TBC1D19: variants seen among roughly 807,000 people sequenced by gnomAD.
The protein encoded by TBC1D19 is TBC1 domain family, member 19.
A neutral mutation model predicts 89.0 loss-of-function variants in TBC1D19; 60 were observed. That is an observed-to-expected ratio of 0.67 (90% CI 0.55 to 0.84). The LOEUF (loss-of-function observed/expected upper bound fraction) is 0.84, where lower values mean the gene tolerates loss of function less well. TBC1D19 is among the 40% of genes least tolerant of loss of function. TBC1D19 has a pLI of 0.00. For synonymous variants in TBC1D19, 189 were observed against 199.7 expected, an observed-to-expected ratio of 0.95 and a Z score of 0.45; for missense variants, 500 against 610.8, an observed-to-expected ratio of 0.82 and a Z score of 1.91.
intron 13 of TBC1D19, among the ~76,000 whole-genome samples, chr4:26,699,339 T>C (rs962504350): frequency 4.6e-5 from 7 of 152,090 alleles, no homozygotes; most frequent in African/African-American, 9.7e-5. Flanking sequence ...GTTAGAATGA[T>C]GATCATTAAA....
intron 1 of TBC1D19, among the ~76,000 whole-genome samples, chr4:26,600,540 A>G (rs1371103072): frequency 6.6e-6 from 1 of 152,210 alleles, no homozygotes; most frequent in Non-Finnish European, 1.5e-5. Flanking sequence ...AGGTAAGACC[A>G]AGTTGAAATA....
intron 3 of TBC1D19, among the ~76,000 whole-genome samples, chr4:26,616,919 C>T (rs747609695): frequency 2.6e-5 from 4 of 151,918 alleles, no homozygotes; most frequent in Non-Finnish European, 5.9e-5. Flanking sequence ...TATTTTATGC[C>T]AACACTTTAT....
intron 4 of TBC1D19, 27 bp from the exon 5 acceptor site, chr4:26,637,184 G>T: frequency 6.7e-7 from 1 of 1,501,134 alleles, no homozygotes. Flanking sequence ...TACTGGAAAA[G>T]ATAATTGATT....
chr4:26,663,807 GT>G (rs1711553967), intron 8 of TBC1D19, among the ~76,000 whole-genome samples: 1 of 152,168 alleles, frequency 6.6e-6, no homozygotes, highest in East Asian at 1.9e-4. Flanking sequence ...GTCTGTGCGA[GT>G]ATTGAACTTG....
chr4:26,613,654 T>C (rs1741509500), intron 2 of TBC1D19, among the ~76,000 whole-genome samples: 1 of 152,184 alleles, frequency 6.6e-6, no homozygotes, highest in Admixed American at 6.6e-5. Flanking sequence ...TCAAGAACTC[T>C]GTGAGAAAGA....
intron 1 of TBC1D19, among the ~76,000 whole-genome samples, chr4:26,590,391 G>A (rs1739692132): frequency 6.6e-6 from 1 of 152,078 alleles, no homozygotes; most frequent in Non-Finnish European, 1.5e-5. Context: ...GAGAATGATT[G>A]GTATGTAATT....
chr4:26,821,808 C>T, the TBC1D19 span, among the ~76,000 whole-genome samples: 8 of 152,336 alleles, frequency 5.3e-5, no homozygotes, highest in Non-Finnish European at 7.3e-5. Flanking sequence ...AGCAGGTACC[C>T]GTTCTTTATG....
At chr4:26,746,109 A>G (rs1718632346) in intron 18 of TBC1D19, among the ~76,000 whole-genome samples, 1 of 152,110 alleles carries the variant, frequency 6.6e-6, no homozygotes. Flanking sequence ...TTTCTGCACC[A>G]TACTCATTCT....
At chr4:26,661,180 T>C (rs1028504438) in intron 8 of TBC1D19, among the ~76,000 whole-genome samples, 10 of 152,008 alleles carry the variant, frequency 6.6e-5, no homozygotes, top group Non-Finnish European at 1.2e-4. Flanking sequence ...TCACTAGAGA[T>C]CCAGATGCAG....
At chr4:26,677,323 C>CTTT (rs35553916) in intron 11 of TBC1D19, among the ~76,000 whole-genome samples, 1 of 144,710 alleles carries the variant, frequency 6.9e-6, no homozygotes, top group Non-Finnish European at 1.5e-5. Context: ...CCTATAAATC[C>CTTT]TTTTTTTTTT....
chr4:26,586,771 G>T (rs1207934403), intron 1 of TBC1D19, among the ~76,000 whole-genome samples: 6 of 152,014 alleles, frequency 3.9e-5, no homozygotes, highest in Admixed American at 3.9e-4. Flanking sequence ...TTAACATACA[G>T]AAATGCAATT....
At chr4:26,853,347 C>A in the TBC1D19 span, among the ~76,000 whole-genome samples, 1 of 152,218 alleles carries the variant, frequency 6.6e-6, no homozygotes, top group South Asian at 2.1e-4. Flanking sequence ...TCCAGCTCCC[C>A]ACCCACTTAG....
upstream of TBC1D19, among the ~76,000 whole-genome samples, chr4:26,583,705 G>A (rs368207728): frequency 1.3e-5 from 2 of 152,176 alleles, no homozygotes; most frequent in Non-Finnish European, 1.5e-5. Flanking sequence ...TTATTTTACA[G>A]AGGCGGAAAC....
intron 7 of TBC1D19, among the ~76,000 whole-genome samples, chr4:26,642,035 A>T (rs932118020): frequency 5.9e-5 from 9 of 152,260 alleles, no homozygotes; most frequent in African/African-American, 2.2e-4. Context: ...AACTTCCCTA[A>T]CTAGCAAGGC....
chr4:26,654,423 C>T (rs936217311), intron 7 of TBC1D19, among the ~76,000 whole-genome samples: 2 of 152,124 alleles, frequency 1.3e-5, no homozygotes, highest in Non-Finnish European at 1.5e-5. Context: ...GTTGGCCTGC[C>T]TTGCTAGATT....
At chr4:26,642,050 C>T (rs2110081674) in intron 7 of TBC1D19, among the ~76,000 whole-genome samples, 1 of 152,248 alleles carries the variant, frequency 6.6e-6, no homozygotes, top group East Asian at 1.9e-4. Flanking sequence ...CAAGGCAGGC[C>T]AACATTCAAA....
chr4:26,605,902 AT>A (rs1425639775), intron 1 of TBC1D19, among the ~76,000 whole-genome samples: 1 of 152,030 alleles, frequency 6.6e-6, no homozygotes, highest in African/African-American at 2.4e-5. Flanking sequence ...TGATGGGGTT[AT>A]TTGTTTTTTG....
the TBC1D19 span, among the ~76,000 whole-genome samples, chr4:26,825,716 A>G: frequency 6.6e-6 from 1 of 152,196 alleles, no homozygotes; most frequent in Non-Finnish European, 1.5e-5. Context: ...CAGCCCTACC[A>G]CTTAGTTGTG....
At chr4:26,639,108 G>T (rs1051945276) in intron 6 of TBC1D19, among the ~76,000 whole-genome samples, 2 of 152,164 alleles carry the variant, frequency 1.3e-5, no homozygotes, top group African/African-American at 4.8e-5. Context: ...GAGTACAGTA[G>T]CATGATCACA....
Sources: allele counts gnomAD v4.1 joint callset (sites outside exome capture counted in the v4.1 genomes callset), GRCh38; gene constraint gnomAD v4.1.1; transcripts MANE v1.5; gene names NCBI Gene and HGNC (gene_info 2026-07-23, HGNC 2026-07-21).